The following CNTN4 variants were observed in gnomAD, a reference collection of about 807,000 sequenced individuals.
CNTN4 encodes the protein contactin-4.
A neutral mutation model predicts 122.5 loss-of-function variants in CNTN4; 77 were observed. That is an observed-to-expected ratio of 0.63 (90% CI 0.52 to 0.76). CNTN4 has a LOEUF of 0.76. CNTN4 is among the 30% of genes least tolerant of loss of function. CNTN4 has a pLI of 0.00. For missense variants in CNTN4, 1,256 were observed against 1,259.1 expected (o/e 1.00, Z 0.04); for synonymous variants, 512 against 447.0 (o/e 1.15, Z -1.83).
intron 2 of CNTN4, among the ~76,000 whole-genome samples, chr3:2,170,067 A>C (rs888520912): frequency 3.9e-5 from 6 of 152,130 alleles, no homozygotes; most frequent in East Asian, 2.0e-4. Context: ...CACGCCTGTA[A>C]TCCCAGCACT....
rs1394291416 is a variant in CNTN4, at chr3:2,406,717, A to C, written c.-89+67484A>C. ...GTCCATCTGTAAAGTTTGCCTAACA[A>C]TACAGAGCCTGTTACAAAGTATGTG... On this transcript the variant is annotated intron_variant, in intron 3 of 24. Coordinates refer to ENST00000418658, the MANE Select transcript of CNTN4 (RefSeq NM_175607.3). Among the ~76,000 whole-genome samples, 3 of 152,218 alleles carry C rather than the reference A, an allele frequency of 2.0e-5. No individual in the cohort carries two copies. In the South Asian group the frequency reaches 6.2e-4, roughly 32 times the overall value.
At chr3:2,747,270 G>A (rs143538145) in intron 6 of CNTN4, among the ~76,000 whole-genome samples, 6 of 148,912 alleles carry the variant, frequency 4.0e-5, no homozygotes, top group Non-Finnish European at 7.4e-5. Context: ...TTAGCCGGGC[G>A]CAGTGGCAGG....
chr3:2,254,852 G>T (rs1036777506), intron 2 of CNTN4, among the ~76,000 whole-genome samples: 1 of 152,268 alleles, frequency 6.6e-6, no homozygotes, highest in East Asian at 1.9e-4. Flanking sequence ...TCACTCTGAT[G>T]ATAGTTTCTT....
chr3:2,538,850 CACAG>C (rs1369447646), intron 3 of CNTN4, among the ~76,000 whole-genome samples: 1 of 151,780 alleles, frequency 6.6e-6, no homozygotes, highest in Admixed American at 6.6e-5. Flanking sequence ...TATATGCACA[CACAG>C]ACACACACCC....
At chr3:2,274,871 G>A (rs2041440314) in intron 2 of CNTN4, among the ~76,000 whole-genome samples, 1 of 137,896 alleles carries the variant, frequency 7.3e-6, no homozygotes, top group Non-Finnish European at 1.6e-5. Context: ...ATAATGCTAG[G>A]AATTCAAGAA....
chr3:2,897,225 C>G (rs770344252), intron 10 of CNTN4, among the ~76,000 whole-genome samples: 3 of 152,122 alleles, frequency 2.0e-5, no homozygotes, highest in Non-Finnish European at 4.4e-5. Context: ...GATTGTTTAT[C>G]TATCCAAGAG....
At chr3:2,984,221 A>AG (rs66942371) in intron 13 of CNTN4, among the ~76,000 whole-genome samples, 151,285 of 152,322 alleles carry the variant, frequency 0.99, 75,134 homozygotes, top group East Asian at 1. Context: ...AGCAGGAAGC[A>AG]GGATGGAAAT....
intron 4 of CNTN4, among the ~76,000 whole-genome samples, chr3:2,686,950 A>G (rs937237665): frequency 6.6e-6 from 1 of 152,206 alleles, no homozygotes; most frequent in Non-Finnish European, 1.5e-5. Flanking sequence ...GGTCATTAAC[A>G]ATATGACCTG....
chr3:2,248,020 C>T (rs1050583117), intron 2 of CNTN4, among the ~76,000 whole-genome samples: 2 of 151,868 alleles, frequency 1.3e-5, no homozygotes, highest in South Asian at 2.1e-4. Flanking sequence ...CATTTATCAC[C>T]ACCTGACATG....
chr3:2,279,937 T>A (rs2041655084), intron 2 of CNTN4, among the ~76,000 whole-genome samples: 1 of 149,964 alleles, frequency 6.7e-6, no homozygotes, highest in South Asian at 2.1e-4. Flanking sequence ...TTTAGATATA[T>A]CTTGCTCTAG....
chr3:2,901,590 C>G (rs1296846154), intron 11 of CNTN4, among the ~76,000 whole-genome samples: 1 of 152,158 alleles, frequency 6.6e-6, no homozygotes, highest in African/African-American at 2.4e-5. Flanking sequence ...TACCTAGGTA[C>G]TGGTATTTTC....
rs116115751 is a variant in CNTN4 at position 2,558,898 on chromosome 3, T to C, written c.-88-12518T>C. On this transcript the variant is annotated intron_variant, in intron 3 of 24. Coordinates refer to ENST00000418658, the MANE Select transcript of CNTN4 (RefSeq NM_175607.3). ...TTAAAGAAGAACATAAATAGAATGG[T>C]TAAAAGTAGATTGGCAGCATGTACT... is the stretch of plus-strand genomic sequence containing the variant. Among the ~76,000 whole-genome samples the C allele has an allele frequency of 3.3e-4, 50 of 152,254 alleles. 1 individual carries two copies. In the East Asian group the frequency reaches 8.5e-3, roughly 26 times the overall value.
chr3:2,626,445 C>A (rs1055359006), intron 4 of CNTN4, among the ~76,000 whole-genome samples: 3 of 150,726 alleles, frequency 2.0e-5, no homozygotes, highest in Non-Finnish European at 4.4e-5. Flanking sequence ...TGCAGTGAGC[C>A]GAGATCGCGC....
intron 2 of CNTN4, among the ~76,000 whole-genome samples, chr3:2,160,149 A>T (rs1309111270): frequency 6.6e-6 from 1 of 152,166 alleles, no homozygotes; most frequent in East Asian, 1.9e-4. Flanking sequence ...ATAATTTTAA[A>T]TTTTTTATCA....
chr3:2,941,168 C>A (rs761798078), intron 13 of CNTN4, among the ~76,000 whole-genome samples: 5 of 152,126 alleles, frequency 3.3e-5, no homozygotes, highest in Non-Finnish European at 7.3e-5. Flanking sequence ...CTCCTTCAAT[C>A]ATTCCTGCTC....
At chr3:2,838,639 CT>C (rs2093284703) in intron 7 of CNTN4, among the ~76,000 whole-genome samples, 1 of 151,514 alleles carries the variant, frequency 6.6e-6, no homozygotes, top group African/African-American at 2.4e-5. Context: ...CTCTGGTAAG[CT>C]GTTACCTCTT....
At chr3:2,479,574 C>T (rs549812547) in intron 3 of CNTN4, among the ~76,000 whole-genome samples, 5 of 152,268 alleles carry the variant, frequency 3.3e-5, no homozygotes, top group Non-Finnish European at 5.9e-5. Context: ...ACGCGATGCC[C>T]GGGAAGATTG....
chr3:2,810,790 T>A (rs1207999665), intron 6 of CNTN4, among the ~76,000 whole-genome samples: 1 of 152,242 alleles, frequency 6.6e-6, no homozygotes, highest in Non-Finnish European at 1.5e-5. Context: ...AAGGTATTTA[T>A]GGTTTAAAAT....
At chr3:2,137,333 C>A (rs1402626443) in intron 2 of CNTN4, among the ~76,000 whole-genome samples, 1 of 152,052 alleles carries the variant, frequency 6.6e-6, no homozygotes. Context: ...AATGAACTAA[C>A]CAGATACATC....
Sources: gnomAD v4.1 joint callset for allele counts (sites outside exome capture counted in the v4.1 genomes callset) on GRCh38, gnomAD v4.1.1 for gene constraint, MANE v1.5 for transcripts, NCBI Gene and HGNC (gene_info 2026-07-23, HGNC 2026-07-21) for gene names.